The following ATF3 variants were observed in gnomAD, a reference collection of about 807,000 sequenced individuals.
The protein encoded by ATF3 is activating transcription factor 3.
Under a neutral mutation model 18.4 loss-of-function variants are expected in ATF3, and 10 were observed. That is an observed-to-expected ratio of 0.54 (90% CI 0.34 to 0.92). The LOEUF is 0.92. Among genes scored for constraint, ATF3 ranks in the 40% least tolerant of loss-of-function variants. ATF3 has a pLI of 0.02. For synonymous variants in ATF3, 78 were observed against 87.9 expected (o/e 0.89, Z 0.63); for missense variants, 183 against 222.3 (o/e 0.82, Z 1.12).
intron 1 of ATF3, among the ~76,000 whole-genome samples, chr1:212,584,660 C>A (rs1403877281): frequency 6.6e-6 from 1 of 152,224 alleles, no homozygotes; most frequent in Non-Finnish European, 1.5e-5. Flanking sequence ...AATGCCCTCA[C>A]AGAAACACCC....
At chr1:212,592,574 G>A (rs947808533) in intron 1 of ATF3, among the ~76,000 whole-genome samples, 1 of 151,840 alleles carries the variant, frequency 6.6e-6, no homozygotes. Flanking sequence ...GAAGAAATGA[G>A]TTAATTTGTC....
chr1:212,583,999 G>A (rs1017976584), intron 1 of ATF3, among the ~76,000 whole-genome samples: 1 of 152,122 alleles, frequency 6.6e-6, no homozygotes, highest in Admixed American at 6.6e-5. Context: ...CTCATGGTAG[G>A]TGAAACGCAA....
At chr1:212,568,732 G>A (rs1040050908) in intron 1 of ATF3, among the ~76,000 whole-genome samples, 6 of 152,260 alleles carry the variant, frequency 3.9e-5, no homozygotes, top group South Asian at 2.1e-4. Flanking sequence ...CCGATTCTCC[G>A]ATGGGGGTAA....
chr1:212,576,728 T>C (rs1365824690), intron 1 of ATF3, among the ~76,000 whole-genome samples: 3 of 125,610 alleles, frequency 2.4e-5, no homozygotes, highest in East Asian at 2.1e-4. Context: ...TTTCTTTTTT[T>C]TTTTTTTTTT....
intron 1 of ATF3, among the ~76,000 whole-genome samples, chr1:212,585,633 C>T (rs983394193): frequency 7.9e-5 from 12 of 152,140 alleles, no homozygotes; most frequent in African/African-American, 2.7e-4. Context: ...AAACTGTAAT[C>T]GATTATATTT....
intron 1 of ATF3, among the ~76,000 whole-genome samples, chr1:212,597,423 C>A (rs201400068): frequency 1.7e-5 from 1 of 57,198 alleles, no homozygotes; most frequent in Non-Finnish European, 4.7e-5. Flanking sequence ...ATCTATTTAT[C>A]TATCTATCTA....
chr1:212,613,943 C>G (rs1334504639), intron 1 of ATF3: 1 of 152,220 alleles, frequency 6.6e-6, no homozygotes, highest in African/African-American at 2.4e-5. Flanking sequence ...ATCACTGAAG[C>G]TTCTCCCTCG....
At chr1:212,598,767 C>T (rs978205995) in intron 1 of ATF3, among the ~76,000 whole-genome samples, 2 of 152,182 alleles carry the variant, frequency 1.3e-5, no homozygotes, top group Non-Finnish European at 2.9e-5. Flanking sequence ...TCAGTTTCAT[C>T]CATGTTGTTG....
At chr1:212,578,955 C>A (rs1406582993) in intron 1 of ATF3, among the ~76,000 whole-genome samples, 1 of 151,922 alleles carries the variant, frequency 6.6e-6, no homozygotes, top group Non-Finnish European at 1.5e-5. Context: ...CCTTCCACAC[C>A]CCTAGACAAG....
At chr1:212,615,400 C>T in intron 2 of ATF3, 139 bp downstream of exon 2, 1 of 1,101,552 alleles carries the variant, frequency 9.1e-7, no homozygotes, top group East Asian at 2.6e-5. Flanking sequence ...TTACCTTCTC[C>T]TGGGAGGAGA....
chr1:212,581,205 C>T (rs574655127), intron 1 of ATF3, among the ~76,000 whole-genome samples: 49 of 152,306 alleles, frequency 3.2e-4, no homozygotes, highest in African/African-American at 1.1e-3. Context: ...CACAGTGCTG[C>T]CTAAGGGCTG....
In ATF3 at chr1:212,618,055, T is replaced by C. The variant is rs1655206782; in HGVS notation, c.241-72T>C. 4.0e-6 allele frequency: 6 copies of C among 1,498,136 alleles called. No homozygotes were observed. The highest frequency in any genetic ancestry group is 3.5e-5 in the Admixed American group (2 of 56,762). 92.8% of individuals were successfully genotyped at this position (1,498,136 alleles called of 1,614,324 possible). On this transcript the variant is annotated intron_variant, in intron 2 of 3. Coordinates refer to ENST00000341491, the MANE Select transcript of ATF3 (RefSeq NM_001674.4). The surrounding 1 kb of genome is among the most constrained non-coding windows in gnomAD (Gnocchi z 4.4). ...CTTGTCTGCCAGCTTTTGCTGGCAG[T>C]AAAAGGCAGTGTATTTGAGGTAGGT...
chr1:212,585,535 C>T (rs1365572890), intron 1 of ATF3, among the ~76,000 whole-genome samples: 5 of 152,170 alleles, frequency 3.3e-5, no homozygotes, highest in African/African-American at 4.8e-5. Context: ...TCTGTTTTCC[C>T]GGAGAATTTA....
At chr1:212,594,424 A>G (rs1266945223) in intron 1 of ATF3, among the ~76,000 whole-genome samples, 1 of 152,270 alleles carries the variant, frequency 6.6e-6, no homozygotes, top group African/African-American at 2.4e-5. Context: ...AAAAGAAAAC[A>G]AAAAACCTAA....
At chr1:212,585,034 C>T (rs1397194103) in intron 1 of ATF3, among the ~76,000 whole-genome samples, 2 of 152,142 alleles carry the variant, frequency 1.3e-5, no homozygotes, top group African/African-American at 4.8e-5. Context: ...CTGTCAGATA[C>T]CAAAAGGAGG....
intron 1 of ATF3, among the ~76,000 whole-genome samples, chr1:212,587,042 T>G (rs1664792794): frequency 6.6e-6 from 1 of 152,166 alleles, no homozygotes; most frequent in Non-Finnish European, 1.5e-5. Flanking sequence ...TTTCACCAAC[T>G]CTGACACAAG....
intron 1 of ATF3, among the ~76,000 whole-genome samples, chr1:212,592,167 C>T (rs74547113): frequency 0.21 from 31,242 of 149,360 alleles, 3,261 homozygotes; most frequent in South Asian, 0.26. Context: ...TCTCCCTCAA[C>T]CTAGCCCCTA....
upstream of ATF3, among the ~76,000 whole-genome samples, chr1:212,604,157 C>T (rs1414525027): frequency 6.6e-6 from 1 of 152,136 alleles, no homozygotes; most frequent in Non-Finnish European, 1.5e-5. Flanking sequence ...TTACAACAAC[C>T]TAGGGGGAGT....
intron 1 of ATF3, among the ~76,000 whole-genome samples, chr1:212,582,105 G>C (rs901208269): frequency 2.6e-5 from 4 of 152,098 alleles, no homozygotes; most frequent in Non-Finnish European, 5.9e-5. Context: ...ATCAGGCCCA[G>C]GTAAGCATGA....
Sources: allele counts gnomAD v4.1 joint callset (sites outside exome capture counted in the v4.1 genomes callset), GRCh38; gene constraint gnomAD v4.1.1; non-coding constraint Gnocchi (gnomAD v3.1); transcripts MANE v1.5; gene names NCBI Gene and HGNC (gene_info 2026-07-23, HGNC 2026-07-21).